Variants in ALG6 observed in about 807,000 individuals in gnomAD.
ALG6 encodes the protein ALG6 alpha-1,3-glucosyltransferase.
ALG6 carries 46 observed loss-of-function variants against 66.6 expected under a neutral mutation model. The ratio of observed to expected loss-of-function variants is 0.69; its 90% CI spans 0.55 to 0.88. The LOEUF (loss-of-function observed/expected upper bound fraction) is 0.88, where lower values mean the gene tolerates loss of function less well. Among genes scored for constraint, ALG6 ranks in the 40% least tolerant of loss-of-function variants. The pLI, the probability that ALG6 is intolerant of heterozygous loss-of-function variation, is 0.00. For synonymous variants in ALG6, 185 were observed against 203.7 expected, an observed-to-expected ratio of 0.91 and a Z score of 0.78; for missense variants, 505 against 586.8, an observed-to-expected ratio of 0.86 and a Z score of 1.44.
intron 12 of ALG6, among the ~76,000 whole-genome samples, chr1:63,422,226 A>AATATAAATATATATATTTATATAG (rs1644582839): frequency 3.2e-5 from 1 of 31,382 alleles, no homozygotes; most frequent in South Asian, 1.2e-3. Flanking sequence ...TATTTATATA[A>AATATAAATATATATATTTATATAG]ATATAAATAT....
chr1:63,428,957 T>C lies in ALG6; in HGVS notation c.1157T>C (p.Leu386Pro). 6.2e-7 allele frequency: 1 copy of C among 1,613,400 alleles called. No individual in the cohort carries two copies. The highest frequency in any genetic ancestry group is 8.5e-7 in the Non-Finnish European group (1 of 1,179,688). Residue 386 changes from leucine (L) to proline (P), a missense_variant, in exon 14 of 15, where the codon CTC becomes CCC. By Grantham distance (98) the Leu-to-Pro change is moderately conservative. Coordinates refer to ENST00000263440, the MANE Select transcript of ALG6 (RefSeq NM_013339.4). ...SMLPLLLKDE[L>P]LMPSVVTTMA... ...CTACCTCTTCTATTGAAGGATGAAC[T>C]CCTAATGCCCTCTGTTGTGACAACA... is the stretch of plus-strand genomic sequence containing the variant.
chr1:63,403,667 C>T (rs1259042166), intron 4 of ALG6, among the ~76,000 whole-genome samples: 1 of 140,236 alleles, frequency 7.1e-6, no homozygotes, highest in East Asian at 2.1e-4. Flanking sequence ...CTTTAGTAGG[C>T]AAAATGGTAT....
rs934616664 is a variant in ALG6 at position 63,428,929 on chromosome 1, A to G, written c.1129A>G (p.Met377Val). The G allele has an allele frequency of 3.1e-6, 5 of 1,612,918 alleles. No individual in the cohort carries two copies. Among genetic ancestry groups the G allele is most frequent in the Admixed American group, 3.3e-5 (2 of 59,950 alleles). The change falls in exon 14 of 15, where the codon ATG becomes GTG. Residue 377 changes from methionine (M) to valine (V), a missense_variant and splice_region_variant. Physicochemically the swap from Met to Val is conservative, Grantham distance 21. Coordinates refer to ENST00000263440, the MANE Select transcript of ALG6 (RefSeq NM_013339.4). ...TWFLLVSTFS[M>V]LPLLLKDELL... ...ATTTTTAAAAATTTTCCTTTACAGT[A>G]TGCTACCTCTTCTATTGAAGGATGA...
At chr1:63,422,232 AATATATATATAAATATATATATTT>A (rs1644583239) in intron 12 of ALG6, among the ~76,000 whole-genome samples, 2 of 40,894 alleles carry the variant, frequency 4.9e-5, no homozygotes, top group African/African-American at 1.6e-4. Context: ...TATAAATATA[AATATATATATAAATATATATATTT>A]ATATAGATAT....
chr1:63,396,903 C>G (rs917826186), intron 3 of ALG6, among the ~76,000 whole-genome samples: 3 of 152,192 alleles, frequency 2.0e-5, no homozygotes, highest in African/African-American at 7.2e-5. Context: ...AAAAACATTT[C>G]TTCCCTGTTC....
chr1:63,372,616 A>T (rs2100380037), intron 2 of ALG6, among the ~76,000 whole-genome samples: 1 of 152,236 alleles, frequency 6.6e-6, no homozygotes, highest in African/African-American at 2.4e-5. Flanking sequence ...ATATGTGTGT[A>T]TATAGCAAAT....
At chr1:63,424,579 A>C (rs547418515) in intron 12 of ALG6, among the ~76,000 whole-genome samples, 4 of 152,034 alleles carry the variant, frequency 2.6e-5, no homozygotes, top group Non-Finnish European at 5.9e-5. Context: ...CCCTCTTGAT[A>C]GTGTTCTTTT....
intron 2 of ALG6, among the ~76,000 whole-genome samples, chr1:63,378,018 C>T (rs1184206038): frequency 6.6e-6 from 1 of 152,228 alleles, no homozygotes; most frequent in Non-Finnish European, 1.5e-5. Flanking sequence ...GCTGGGATGA[C>T]AGGTTGTGAG....
intron 2 of ALG6, among the ~76,000 whole-genome samples, chr1:63,375,044 C>G (rs2100382697): frequency 6.6e-6 from 1 of 152,004 alleles, no homozygotes; most frequent in East Asian, 2.0e-4. Context: ...ACCCCCTTTA[C>G]AAAAAGAAAA....
Position 63,374,734 on chromosome 1 carries a change from A to G in ALG6, c.82+3675A>G, listed in dbSNP as rs115926369. Among the ~76,000 whole-genome samples, 1,423 of 152,328 alleles carry G rather than the reference A, an allele frequency of 9.3e-3. 23 individuals are homozygous for G. The highest frequency in any genetic ancestry group is 0.033 in the African/African-American group (1,358 of 41,564). On this transcript the variant is annotated intron_variant, in intron 2 of 14. Coordinates refer to ENST00000263440, the MANE Select transcript of ALG6 (RefSeq NM_013339.4). Reference sequence around the variant, plus strand: ...CTAGCACATTTATAGTTCATAACTCATCTCATTTGATCCTCACATCAGATC... The same window carrying G: ...CTAGCACATTTATAGTTCATAACTCGTCTCATTTGATCCTCACATCAGATC...
rs2100378459 is a variant in ALG6 at position 63,371,028 on chromosome 1, A to C, written c.51A>C (p.Val17=). 1 of 1,610,860 alleles carries C rather than the reference A, an allele frequency of 6.2e-7. No individual in the cohort carries two copies. Residue 17 remains valine (V), a synonymous_variant, in exon 2 of 15, where the codon GTA becomes GTC. Coordinates refer to ENST00000263440, the MANE Select transcript of ALG6 (RefSeq NM_013339.4). ...MTVVVLIGLT[V]RWTVSLNSYS... is the part of the protein sequence containing the mutation. ...TAGTGGTTTTAATAGGACTAACAGT[A>C]CGATGGACAGTGTCTCTTAATTCTT...
rs1033384539 is a variant in ALG6, at chr1:63,428,963, T to C, written c.1163T>C (p.Met388Thr). Residue 388 changes from methionine (M) to threonine (T), a missense_variant, in exon 14 of 15, where the codon ATG (methionine) becomes ACG (threonine). Met to Thr is a moderately conservative substitution (Grantham distance 81, BLOSUM62 -1). Coordinates refer to ENST00000263440, the MANE Select transcript of ALG6 (RefSeq NM_013339.4). ...LPLLLKDELL[M>T]PSVVTTMAFF... ...CTTCTATTGAAGGATGAACTCCTAA[T>C]GCCCTCTGTTGTGACAACAATGGCA... 1 of 1,613,308 alleles carries C rather than the reference T, an allele frequency of 6.2e-7. No homozygotes were observed. Among genetic ancestry groups the C allele is most frequent in the Non-Finnish European group, 8.5e-7 (1 of 1,179,700 alleles).
intron 14 of ALG6, among the ~76,000 whole-genome samples, chr1:63,432,206 A>G (rs1644649253): frequency 6.6e-6 from 1 of 151,002 alleles, no homozygotes; most frequent in South Asian, 2.1e-4. Flanking sequence ...TGTTTTTCTC[A>G]TGAAAAAATG....
rs926120523 is a variant in ALG6 at position 63,404,563 on chromosome 1, A to T, written c.346+22A>T. The T allele has an allele frequency of 3.1e-6, 5 of 1,606,580 alleles. No homozygotes were observed. In the African/African-American group the frequency reaches 6.7e-5, roughly 21 times the overall value. Reference sequence around the variant, plus strand: ...ACAGGTAAAAGAGCAATGGGTAGTGAATATAAAATTTGATTTTTTAAAAAT... The same window carrying T: ...ACAGGTAAAAGAGCAATGGGTAGTGTATATAAAATTTGATTTTTTAAAAAT... On this transcript the variant is annotated intron_variant, in intron 5 of 14. Transcript: ENST00000263440.
intron 2 of ALG6, 116 bp downstream of exon 2, chr1:63,371,175 A>G: frequency 2.8e-6 from 2 of 713,208 alleles, no homozygotes; most frequent in Non-Finnish European, 2.5e-6. Context: ...GGCCTTTTTG[A>G]TATGGTTGAG....
chr1:63,428,926 A>G lies in ALG6; in HGVS notation c.1128-2A>G. The G allele has an allele frequency of 6.2e-7, 1 of 1,612,588 alleles. No individual in the cohort carries two copies. Among genetic ancestry groups the G allele is most frequent in the Non-Finnish European group, 8.5e-7 (1 of 1,179,306 alleles). ...GTGATTTTTAAAAATTTTCCTTTAC[A>G]GTATGCTACCTCTTCTATTGAAGGA... On this transcript the variant is annotated splice_acceptor_variant, in intron 13 of 14. Coordinates refer to ENST00000263440, the MANE Select transcript of ALG6 (RefSeq NM_013339.4). LOFTEE classifies it high-confidence loss of function.
chr1:63,423,800 T>C (rs1411547840), intron 12 of ALG6, among the ~76,000 whole-genome samples: 1 of 152,200 alleles, frequency 6.6e-6, no homozygotes, highest in Non-Finnish European at 1.5e-5. Context: ...ACTGTGAATA[T>C]TCATGTACAA....
chr1:63,393,227 C>T (rs1484640097), intron 2 of ALG6, among the ~76,000 whole-genome samples: 2 of 152,320 alleles, frequency 1.3e-5, no homozygotes, highest in East Asian at 3.9e-4. Context: ...CCAATCCCGC[C>T]ACCCAGCCAA....
At chr1:63,429,230 C>A in intron 14 of ALG6, 104 bp downstream of exon 14, 1 of 841,446 alleles carries the variant, frequency 1.2e-6, no homozygotes, top group South Asian at 1.6e-5. Flanking sequence ...ATATAATTCA[C>A]ATAAATCCAC....
Sources: gnomAD v4.1 joint callset for allele counts (sites outside exome capture counted in the v4.1 genomes callset) on GRCh38, gnomAD v4.1.1 for gene constraint, MANE v1.5 for transcripts, NCBI Gene and HGNC (gene_info 2026-07-23, HGNC 2026-07-21) for gene names.